CDH13: variants seen among roughly 807,000 people sequenced by gnomAD.
CDH13 encodes the protein cadherin-13.
CDH13 carries 24 observed loss-of-function variants against 63.8 expected under a neutral mutation model. That is an observed-to-expected ratio of 0.38 (90% CI 0.27 to 0.53). The LOEUF is 0.53. Ranked by LOEUF, CDH13 falls within the 20% of genes least tolerant of loss-of-function variation. CDH13 has a pLI of 0.85. For missense variants in CDH13, 1,049 were observed against 903.1 expected (o/e 1.16, Z -2.07); for synonymous variants, 503 against 355.3 (o/e 1.42, Z -4.67).
intron 3 of CDH13, among the ~76,000 whole-genome samples, chr16:83,083,208 A>T (rs949959496): frequency 6.6e-6 from 1 of 152,246 alleles, no homozygotes; most frequent in Non-Finnish European, 1.5e-5. Context: ...TAAATACAGC[A>T]TCTTACTTGA....
chr16:82,705,417 C>T, intron 1 of CDH13: 1 of 245,030 alleles, frequency 4.1e-6, no homozygotes, highest in Non-Finnish European at 8.1e-6. Flanking sequence ...CTCTAGTGGT[C>T]CATATGCACG....
intron 1 of CDH13, among the ~76,000 whole-genome samples, chr16:82,763,118 C>T (rs2034915604): frequency 6.6e-6 from 1 of 152,198 alleles, no homozygotes; most frequent in South Asian, 2.1e-4. Context: ...CCTTGTACCG[C>T]AGGGCCTTTG....
At chr16:83,051,191 A>C (rs908890181) in intron 3 of CDH13, among the ~76,000 whole-genome samples, 2 of 152,106 alleles carry the variant, frequency 1.3e-5, no homozygotes, top group African/African-American at 2.4e-5. Context: ...GCCACAACGA[A>C]ATGAGTCCCA....
intron 7 of CDH13, among the ~76,000 whole-genome samples, chr16:83,520,900 T>G (rs28733037): frequency 0.097 from 14,780 of 152,172 alleles, 893 homozygotes; most frequent in African/African-American, 0.17. Flanking sequence ...AAAAATCCTT[T>G]GAAGGGAGAG....
chr16:82,731,961 C>T (rs933844888), intron 1 of CDH13, among the ~76,000 whole-genome samples: 2 of 152,156 alleles, frequency 1.3e-5, no homozygotes, highest in Admixed American at 6.5e-5. Context: ...CCACCTGAAA[C>T]AATCTCTTCT....
chr16:83,669,762 C>T (rs1344831876), intron 8 of CDH13, among the ~76,000 whole-genome samples: 1 of 152,190 alleles, frequency 6.6e-6, no homozygotes, highest in Non-Finnish European at 1.5e-5. Context: ...AACACAAGGG[C>T]TTTTTGATAT....
chr16:83,646,712 AACACACAC>A (rs71382879), intron 8 of CDH13, among the ~76,000 whole-genome samples: 4 of 80,486 alleles, frequency 5.0e-5, no homozygotes, highest in South Asian at 9.0e-4. Context: ...AAAAAAAAAA[AACACACAC>A]ACACACACAC....
chr16:83,665,613 C>T (rs1486660757), intron 8 of CDH13, among the ~76,000 whole-genome samples: 2 of 152,150 alleles, frequency 1.3e-5, no homozygotes, highest in African/African-American at 4.8e-5. Context: ...GACTACATCC[C>T]AGCTTTTCAA....
chr16:83,758,175 C>T (rs1913669898), intron 11 of CDH13, among the ~76,000 whole-genome samples: 1 of 151,562 alleles, frequency 6.6e-6, no homozygotes, highest in Non-Finnish European at 1.5e-5. Flanking sequence ...GAAAGAAAAA[C>T]AATTTTATAC....
chr16:82,698,578 C>A (rs962281771), intron 1 of CDH13, among the ~76,000 whole-genome samples: 1 of 152,086 alleles, frequency 6.6e-6, no homozygotes, highest in Non-Finnish European at 1.5e-5. Context: ...GTAGCTTGGG[C>A]ATGTTTTTAG....
At chr16:82,922,259 G>A (rs4273031) in intron 2 of CDH13, among the ~76,000 whole-genome samples, 56,479 of 151,890 alleles carry the variant, frequency 0.37, 11,677 homozygotes, top group Non-Finnish European at 0.47. Flanking sequence ...CCTTTTTTGT[G>A]TACTTCAAAG....
chr16:83,502,186 G>T (rs2074298495), intron 7 of CDH13, among the ~76,000 whole-genome samples: 1 of 152,196 alleles, frequency 6.6e-6, no homozygotes, highest in African/African-American at 2.4e-5. Context: ...GGACTTTGTA[G>T]AAGTGATTAA....
intron 5 of CDH13, among the ~76,000 whole-genome samples, chr16:83,248,332 C>T (rs1443551378): frequency 2.6e-5 from 4 of 152,164 alleles, no homozygotes; most frequent in Non-Finnish European, 4.4e-5. Context: ...CTATGTCCTT[C>T]AGGAGCGGGT....
chr16:83,753,481 G>GGCT lies in CDH13; in HGVS notation c.1681+5234_1681+5236dup, dbSNP rs1163038182. ...GATCACCTGAACCCAGGTAGGTCAA[G>GGCT]GCTGCAGTGAGCCAAGATCACACCG... On this transcript the variant is annotated intron_variant, in intron 11 of 13. Coordinates refer to ENST00000567109, the MANE Select transcript of CDH13 (RefSeq NM_001257.5). 9.2e-5 allele frequency among the ~76,000 whole-genome samples: 14 copies of GGCT among 152,154 alleles called. 1 individual carries two copies. The highest frequency in any genetic ancestry group is 6.5e-4 in the Admixed American group (10 of 15,272).
intron 1 of CDH13, among the ~76,000 whole-genome samples, chr16:82,737,312 G>A (rs866669309): frequency 1.4e-4 from 21 of 152,286 alleles, no homozygotes; most frequent in Non-Finnish European, 1.3e-4. Flanking sequence ...TCTCTTTGCT[G>A]CTCTCAGATG....
chr16:83,249,590 C>T (rs927211519), intron 5 of CDH13, among the ~76,000 whole-genome samples: 1 of 152,190 alleles, frequency 6.6e-6, no homozygotes, highest in Non-Finnish European at 1.5e-5. Context: ...GGCAAATGGG[C>T]ACTCAGAGAG....
At chr16:82,719,169 G>A (rs2032594731) in intron 1 of CDH13, among the ~76,000 whole-genome samples, 1 of 152,142 alleles carries the variant, frequency 6.6e-6, no homozygotes, top group South Asian at 2.1e-4. Flanking sequence ...GTTTTAAGAT[G>A]AAACATGGTA....
intron 6 of CDH13, among the ~76,000 whole-genome samples, chr16:83,453,684 G>A (rs1178164211): frequency 6.6e-6 from 1 of 152,102 alleles, no homozygotes; most frequent in African/African-American, 2.4e-5. Context: ...ATTGTGAATT[G>A]GCTGTATGTG....
intron 8 of CDH13, among the ~76,000 whole-genome samples, chr16:83,603,630 A>G (rs547058419): frequency 4.6e-5 from 7 of 152,268 alleles, no homozygotes; most frequent in Non-Finnish European, 8.8e-5. Context: ...AAAAACCTAT[A>G]TAGGGACCTG....
Sources: allele counts gnomAD v4.1 joint callset (sites outside exome capture counted in the v4.1 genomes callset), GRCh38; gene constraint gnomAD v4.1.1; transcripts MANE v1.5; gene names NCBI Gene and HGNC (gene_info 2026-07-23, HGNC 2026-07-21).